SPOPL: variants seen among roughly 807,000 people sequenced by gnomAD.
SPOPL encodes the protein speckle type BTB/POZ protein like.
A neutral mutation model predicts 53.8 loss-of-function variants in SPOPL; 23 were observed. The ratio of observed to expected loss-of-function variants is 0.43; its 90% CI spans 0.31 to 0.61. The LOEUF is 0.61. Among genes scored for constraint, SPOPL ranks in the 20% least tolerant of loss-of-function variants. The probability of loss-of-function intolerance (pLI) is 0.12; values close to 1 mark genes in which losing one functional copy is unlikely to be tolerated. For missense variants in SPOPL, 442 were observed against 466.9 expected (o/e 0.95, Z 0.49); for synonymous variants, 164 against 149.7 (o/e 1.10, Z -0.70).
intron 8 of SPOPL, 87 bp from the exon 9 acceptor site, chr2:138,564,621 C>T: frequency 7.1e-7 from 1 of 1,401,028 alleles, no homozygotes; most frequent in South Asian, 1.4e-5. Context: ...ATCTATTTTA[C>T]CCTTATTTTC....
chr2:138,543,963 C>A (rs1337552684), intron 1 of SPOPL, among the ~76,000 whole-genome samples: 1 of 152,242 alleles, frequency 6.6e-6, no homozygotes, highest in Non-Finnish European at 1.5e-5. Context: ...TCAGGACCCT[C>A]AGCTGCAGGT....
At chr2:138,516,907 C>G (rs1684449719) in intron 1 of SPOPL, among the ~76,000 whole-genome samples, 1 of 152,188 alleles carries the variant, frequency 6.6e-6, no homozygotes. Context: ...TTGACCTTAT[C>G]TTCATAATCT....
chr2:138,566,694 C>G (rs2104907969), intron 10 of SPOPL, among the ~76,000 whole-genome samples: 2 of 152,282 alleles, frequency 1.3e-5, no homozygotes, highest in South Asian at 4.1e-4. Flanking sequence ...AGACATTACT[C>G]TAGCATCTTC....
Position 138,572,680 on chromosome 2 carries a change from C to G in SPOPL, c.*3600C>G, listed in dbSNP as rs56355109. 1.3e-5 allele frequency: 2 copies of G among 149,156 alleles called. No homozygotes were observed. Among genetic ancestry groups the G allele is most frequent in the Admixed American group, 1.3e-4 (2 of 15,084 alleles). The allele number at this position is 149,156 out of a possible 1,614,324, so 9.2% of individuals were successfully genotyped here. A position where few individuals can be genotyped will look rare whatever the true frequency, so the allele number is the denominator to read the frequency against. On this transcript the variant is annotated 3_prime_UTR_variant, in exon 11 of 11. Transcript: ENST00000280098. ...TAGTGTTCTCAGATTATAAAGACAG[C>G]TATAAAGACAGCACTTTCCGCACAC...
chr2:138,527,659 G>T lies in SPOPL; in HGVS notation c.-60-22498G>T, dbSNP rs565720195. 3.3e-5 allele frequency among the ~76,000 whole-genome samples: 5 copies of T among 152,214 alleles called. No individual in the cohort carries two copies. In the South Asian group the frequency reaches 1.0e-3, roughly 32 times the overall value. On this transcript the variant is annotated intron_variant, in intron 1 of 10. Coordinates refer to ENST00000280098, the MANE Select transcript of SPOPL (RefSeq NM_001001664.3). Reference sequence around the variant, plus strand: ...GTCTCCATTTCTATGAGAGTTCTTTGTTAATTTTTTTCTTCCCATTTTGGA... The same window carrying T: ...GTCTCCATTTCTATGAGAGTTCTTTTTTAATTTTTTTCTTCCCATTTTGGA...
chr2:138,501,965 G>A lies in SPOPL; in HGVS notation c.-215G>A, dbSNP rs1281721582. On this transcript the variant is annotated 5_prime_UTR_variant, in exon 1 of 11. Coordinates refer to ENST00000280098, the MANE Select transcript of SPOPL (RefSeq NM_001001664.3). ...GGAAGGAGGGCGGGTCGGGGAGGAG[G>A]GATGCGGTTCGGCGGAGGCGGCCGC... 2 of 152,378 alleles carry A rather than the reference G, an allele frequency of 1.3e-5. No homozygotes were observed. The highest frequency in any genetic ancestry group is 2.9e-5 in the Non-Finnish European group (2 of 68,186). The allele number at this position is 152,378 out of a possible 1,614,324, so 9.4% of individuals were successfully genotyped here. A position where few individuals can be genotyped will look rare whatever the true frequency, so the allele number is the denominator to read the frequency against.
At chr2:138,559,571 G>A (rs1239722483) in intron 7 of SPOPL, among the ~76,000 whole-genome samples, 1 of 152,132 alleles carries the variant, frequency 6.6e-6, no homozygotes, top group East Asian at 1.9e-4. Context: ...TAGGTAAATT[G>A]GATAGTTGTT....
chr2:138,549,239 T>A (rs1378973050), intron 1 of SPOPL, among the ~76,000 whole-genome samples: 1 of 152,132 alleles, frequency 6.6e-6, no homozygotes, highest in Non-Finnish European at 1.5e-5. Context: ...TGTTTATACT[T>A]GTCATACCTT....
chr2:138,536,155 G>GT (rs1234096963), intron 1 of SPOPL, among the ~76,000 whole-genome samples: 1 of 151,818 alleles, frequency 6.6e-6, no homozygotes, highest in Non-Finnish European at 1.5e-5. Flanking sequence ...TCTGTTATCT[G>GT]TTTTTTTCCC....
chr2:138,532,587 C>A (rs541631129), intron 1 of SPOPL, among the ~76,000 whole-genome samples: 1 of 145,214 alleles, frequency 6.9e-6, no homozygotes, highest in Non-Finnish European at 1.5e-5. Context: ...CCACCACGCC[C>A]GGCTAATTTT....
At chr2:138,503,077 C>CA (rs1424946848) in intron 1 of SPOPL, among the ~76,000 whole-genome samples, 1 of 152,174 alleles carries the variant, frequency 6.6e-6, no homozygotes, top group East Asian at 1.9e-4. Flanking sequence ...TAGAAACTGA[C>CA]AGAGGTAAAA....
chr2:138,534,781 G>A lies in SPOPL; in HGVS notation c.-60-15376G>A, dbSNP rs527840108. Among the ~76,000 whole-genome samples, 15 of 152,130 alleles carry A rather than the reference G, an allele frequency of 9.9e-5. 1 individual carries two copies. In the South Asian group the frequency reaches 1.5e-3, roughly 15 times the overall value. ...ACTTACCATTTCCCCCTCCCCACAG[G>A]TCTGGCAACTACTAATCTGCTTTTT... On this transcript the variant is annotated intron_variant, in intron 1 of 10. Transcript: ENST00000280098.
At chr2:138,537,407 G>T (rs1223406355) in intron 1 of SPOPL, among the ~76,000 whole-genome samples, 2 of 152,100 alleles carry the variant, frequency 1.3e-5, no homozygotes, top group Non-Finnish European at 2.9e-5. Context: ...ACAGTACGGG[G>T]ATTTTCACAA....
rs1261464205 is a variant in SPOPL, at chr2:138,571,786, A to G, written c.*2706A>G. Reference sequence around the variant, plus strand: ...TAGTGAATGGTTTCAAATGTTGCATACTATAAGAATAATCATTGGGTAACT... The same window carrying G: ...TAGTGAATGGTTTCAAATGTTGCATGCTATAAGAATAATCATTGGGTAACT... On this transcript the variant is annotated 3_prime_UTR_variant, in exon 11 of 11. Coordinates refer to ENST00000280098, the MANE Select transcript of SPOPL (RefSeq NM_001001664.3). The G allele has an allele frequency of 2.6e-5, 4 of 152,644 alleles. No homozygotes were observed. Among genetic ancestry groups the G allele is most frequent in the African/African-American group, 7.2e-5 (3 of 41,460 alleles). 9.5% of individuals were successfully genotyped at this position (152,644 alleles called of 1,614,324 possible).
intron 5 of SPOPL, among the ~76,000 whole-genome samples, chr2:138,558,249 C>G (rs1685471182): frequency 6.6e-6 from 1 of 152,130 alleles, no homozygotes; most frequent in Non-Finnish European, 1.5e-5. Flanking sequence ...ATGTGGTCAT[C>G]TTTTATGGGA....
At position 138,560,949 on chromosome 2, in the gene SPOPL, A is replaced by T. The variant is rs1490019391; in HGVS notation, c.837+22A>T. The T allele has an allele frequency of 7.5e-6, 12 of 1,596,696 alleles. 1 individual carries two copies. The South Asian group carries it at 1.4e-4, about 18-fold the overall frequency. On this transcript the variant is annotated intron_variant, in intron 8 of 10. Transcript: ENST00000280098. Reference sequence around the variant, plus strand: ...CAAAGTAAGTAATTAGGTCTTAAGGAACCAAAATATACCCTCAAGCTTGAT... The same window carrying T: ...CAAAGTAAGTAATTAGGTCTTAAGGTACCAAAATATACCCTCAAGCTTGAT...
chr2:138,520,415 G>A (rs539190498), intron 1 of SPOPL, among the ~76,000 whole-genome samples: 3 of 152,078 alleles, frequency 2.0e-5, no homozygotes, highest in East Asian at 1.9e-4. Context: ...ACATACCTGC[G>A]TACATACATG....
chr2:138,537,417 A>G (rs909730568), intron 1 of SPOPL, among the ~76,000 whole-genome samples: 4 of 152,126 alleles, frequency 2.6e-5, no homozygotes, highest in African/African-American at 4.8e-5. Context: ...GATTTTCACA[A>G]TGCTTTTCCA....
In SPOPL at chr2:138,571,652, A is replaced by T. The variant is rs1486064023; in HGVS notation, c.*2572A>T. On this transcript the variant is annotated 3_prime_UTR_variant, in exon 11 of 11. Coordinates refer to ENST00000280098, the MANE Select transcript of SPOPL (RefSeq NM_001001664.3). ...ATAGCCTCCTTCTCCTCATTTTTAA[A>T]CTGCATACATTACTTTCAAAATAGG... The T allele has an allele frequency of 6.6e-6, 1 of 152,438 alleles. No individual in the cohort carries two copies. The highest frequency in any genetic ancestry group is 1.5e-5 in the Non-Finnish European group (1 of 67,998). The allele number at this position is 152,438 out of a possible 1,614,324, so 9.4% of individuals were successfully genotyped here.
Sources: gnomAD v4.1 joint callset for allele counts (sites outside exome capture counted in the v4.1 genomes callset) on GRCh38, gnomAD v4.1.1 for gene constraint, MANE v1.5 for transcripts, NCBI Gene and HGNC (gene_info 2026-07-23, HGNC 2026-07-21) for gene names.